PDZD2: variants seen among roughly 807,000 people sequenced by gnomAD.
The protein encoded by PDZD2 is PDZ domain containing 2, also known as PDZ domain-containing protein 2.
In PDZD2, 90 loss-of-function variants were observed where a neutral mutation model predicts 220.7. That is an observed-to-expected ratio of 0.41 (90% CI 0.34 to 0.49). The LOEUF (loss-of-function observed/expected upper bound fraction) is 0.49. PDZD2 is among the 20% of genes least tolerant of loss of function. The pLI is 0.28. For synonymous variants in PDZD2, 1,375 were observed against 1,450.5 expected (o/e 0.95, Z 1.18); for missense variants, 3,174 against 3,608.5 (o/e 0.88, Z 3.08).
chr5:32,072,263 C>A lies in PDZD2; in HGVS notation c.2671C>A (p.Pro891Thr), dbSNP rs993639684. The A allele has an allele frequency of 6.2e-7, 1 of 1,613,990 alleles. No individual in the cohort carries two copies. The highest frequency in any genetic ancestry group is 1.3e-5 in the African/African-American group (1 of 74,920). ...GGCCGGTTCTGAGGACGAGGATCAC[C>A]CGGGAAGTGGCTGCAGCACGTCGGA... The part of the protein sequence containing the change: ...MVAGSEDEDH[P>T]GSGCSTSEEG... The change falls in exon 17 of 25, where the codon CCG becomes ACG. Residue 891 changes from proline (P) to threonine (T), a missense_variant. Pro to Thr is a conservative substitution (Grantham distance 38, BLOSUM62 -1). Coordinates refer to ENST00000438447, the MANE Select transcript of PDZD2 (RefSeq NM_178140.4).
intron 2 of PDZD2, among the ~76,000 whole-genome samples, chr5:31,971,151 A>T (rs924723852): frequency 1.3e-5 from 2 of 152,168 alleles, no homozygotes; most frequent in African/African-American, 4.8e-5. Context: ...AATACCACAG[A>T]TTGGGTGATT....
chr5:31,886,700 CTCT>C (rs1335848609), intron 2 of PDZD2, among the ~76,000 whole-genome samples: 1 of 124,264 alleles, frequency 8.0e-6, no homozygotes, highest in African/African-American at 2.7e-5. Context: ...TTGTCTCTGT[CTCT>C]TTTTTTTTTT....
chr5:31,674,945 G>A (rs1411975304), intron 1 of PDZD2, among the ~76,000 whole-genome samples: 1 of 152,198 alleles, frequency 6.6e-6, no homozygotes, highest in Non-Finnish European at 1.5e-5. Flanking sequence ...GGGACTGTGG[G>A]ATCACGAAGC....
At chr5:31,980,520 T>C (rs539993162) in intron 2 of PDZD2, among the ~76,000 whole-genome samples, 1 of 152,352 alleles carries the variant, frequency 6.6e-6, no homozygotes, top group South Asian at 2.1e-4. Flanking sequence ...GAATGAGGAC[T>C]TGGGCATCCC....
chr5:31,687,239 AGT>A, intron 1 of PDZD2, among the ~76,000 whole-genome samples: 1 of 152,350 alleles, frequency 6.6e-6, no homozygotes, highest in South Asian at 2.1e-4. Flanking sequence ...GAAATGCAAG[AGT>A]GTATATGAGT....
At chr5:31,849,035 C>A (rs771562014) in intron 2 of PDZD2, among the ~76,000 whole-genome samples, 2 of 152,044 alleles carry the variant, frequency 1.3e-5, no homozygotes, top group Non-Finnish European at 2.9e-5. Flanking sequence ...GGCGACAGAG[C>A]GAGACTCCAT....
At chr5:32,076,841 G>T (rs751978696) in intron 18 of PDZD2, among the ~76,000 whole-genome samples, 1 of 152,188 alleles carries the variant, frequency 6.6e-6, no homozygotes, top group Non-Finnish European at 1.5e-5. Context: ...TTTATGAAAA[G>T]ATTTCTTACC....
At chr5:31,784,689 ACG>A (rs879910068) in intron 1 of PDZD2, among the ~76,000 whole-genome samples, 15,145 of 152,188 alleles carry the variant, frequency 0.1, 828 homozygotes, top group South Asian at 0.18. Flanking sequence ...CAGGTGGATC[ACG>A]AGGTCAGGAG....
chr5:31,930,295 T>G (rs1449048556), intron 2 of PDZD2, among the ~76,000 whole-genome samples: 1 of 145,184 alleles, frequency 6.9e-6, no homozygotes, highest in East Asian at 2.1e-4. Flanking sequence ...AAGCTCTGCC[T>G]CCCGGGTTCA....
intron 2 of PDZD2, among the ~76,000 whole-genome samples, chr5:31,899,531 G>A (rs1741895733): frequency 6.6e-6 from 1 of 152,218 alleles, no homozygotes; most frequent in Non-Finnish European, 1.5e-5. Flanking sequence ...GGCACCTTCT[G>A]TCTTCTGTGA....
At chr5:31,695,668 G>C (rs1747347937) in intron 1 of PDZD2, among the ~76,000 whole-genome samples, 1 of 152,188 alleles carries the variant, frequency 6.6e-6, no homozygotes, top group South Asian at 2.1e-4. Context: ...CTTAGGGGCT[G>C]GCTTATTTAC....
At position 31,788,538 on chromosome 5, in the gene PDZD2, G is replaced by A. The variant is rs1443779917; in HGVS notation, c.-360-10351G>A. On this transcript the variant is annotated intron_variant, in intron 1 of 24. Transcript: ENST00000438447. ...AAATTAGCCGGGTGTGGTGGCGGGCGCCTGTAGTCCCAGCTGCTCGGGGAA... is the reference window on the plus strand; with the variant it reads ...AAATTAGCCGGGTGTGGTGGCGGGCACCTGTAGTCCCAGCTGCTCGGGGAA... 2.6e-5 allele frequency among the ~76,000 whole-genome samples: 4 copies of A among 151,868 alleles called. No individual in the cohort carries two copies. In the East Asian group the frequency reaches 5.8e-4, roughly 22 times the overall value.
At chr5:31,741,026 C>G (rs953477645) in intron 1 of PDZD2, among the ~76,000 whole-genome samples, 2 of 152,188 alleles carry the variant, frequency 1.3e-5, no homozygotes, top group African/African-American at 2.4e-5. Context: ...AAACTACATC[C>G]TGTTCAGACA....
At chr5:32,041,878 A>G (rs1442784708) in intron 7 of PDZD2, among the ~76,000 whole-genome samples, 2 of 145,840 alleles carry the variant, frequency 1.4e-5, no homozygotes, top group Admixed American at 1.4e-4. Context: ...CAACAACAAA[A>G]CTATAGGTAA....
At chr5:31,720,093 G>T (rs773360466) in intron 1 of PDZD2, among the ~76,000 whole-genome samples, 15 of 152,210 alleles carry the variant, frequency 9.9e-5, no homozygotes, top group Non-Finnish European at 2.1e-4. Flanking sequence ...CTCAGCTGTT[G>T]TCTCCTGAAG....
chr5:31,721,648 A>G (rs1426695341), intron 1 of PDZD2, among the ~76,000 whole-genome samples: 2 of 151,196 alleles, frequency 1.3e-5, no homozygotes, highest in Non-Finnish European at 2.9e-5. Context: ...AAAGTAACCA[A>G]CCTCAAATGC....
chr5:31,673,322 T>C (rs1651056), intron 1 of PDZD2, among the ~76,000 whole-genome samples: 28,635 of 152,116 alleles, frequency 0.19, 2,966 homozygotes, highest in African/African-American at 0.27. Context: ...CTTCCCCATT[T>C]CATGTTTGTA....
chr5:32,006,353 AT>A (rs71912250), intron 5 of PDZD2, among the ~76,000 whole-genome samples: 10,635 of 134,250 alleles, frequency 0.079, 1,082 homozygotes, highest in African/African-American at 0.25. Flanking sequence ...AGGAAGTACA[AT>A]TTTTTTTTTT....
rs1389545950 is a variant in PDZD2 at position 32,010,335 on chromosome 5, C to T, written c.1260C>T (p.Asn420=). ...CTTTAATTGTGTCCCCATAGGAAAACTCCGCAGAGGACCTCCTCAGGTTAA... is the reference window on the plus strand; with the variant it reads ...CTTTAATTGTGTCCCCATAGGAAAATTCCGCAGAGGACCTCCTCAGGTTAA... ...MVQLVVASKE[N]SAEDLLRLTS... Residue 420 remains asparagine, a synonymous_variant, in exon 6 of 25, where the codon AAC becomes AAT. Coordinates refer to ENST00000438447, the MANE Select transcript of PDZD2 (RefSeq NM_178140.4). 6.3e-7 allele frequency: 1 copy of T among 1,597,966 alleles called. No individual in the cohort carries two copies. The highest frequency in any genetic ancestry group is 8.6e-7 in the Non-Finnish European group (1 of 1,168,558).
Sources: gnomAD v4.1 joint callset for allele counts (sites outside exome capture counted in the v4.1 genomes callset) on GRCh38, gnomAD v4.1.1 for gene constraint, MANE v1.5 for transcripts, NCBI Gene and HGNC (gene_info 2026-07-23, HGNC 2026-07-21) for gene names.